Variants in DECR1 observed in about 807,000 individuals in gnomAD.
DECR1 encodes the protein 2,4-dienoyl-CoA reductase 1.
In DECR1, 44 loss-of-function variants were observed where a neutral mutation model predicts 38.8. The ratio of observed to expected loss-of-function variants is 1.13; its 90% confidence interval spans 0.89 to 1.46. The LOEUF (loss-of-function observed/expected upper bound fraction) is 1.46, where lower values mean the gene tolerates loss of function less well. Among genes scored for constraint, DECR1 ranks in the 40% most tolerant of loss-of-function variants. The pLI is 0.00. For missense variants in DECR1, 428 were observed against 405.5 expected, an observed-to-expected ratio of 1.06 and a Z score of -0.48; for synonymous variants, 148 against 135.2, an observed-to-expected ratio of 1.09 and a Z score of -0.66.
intron 6 of DECR1, among the ~76,000 whole-genome samples, chr8:90,037,534 T>C (rs1813644785): frequency 6.6e-6 from 1 of 151,386 alleles, no homozygotes; most frequent in African/African-American, 2.4e-5. Context: ...GCAGCCTTAA[T>C]CTCCCAGACT....
intron 3 of DECR1, 43 bp downstream of exon 3, chr8:90,019,009 A>G: frequency 6.4e-7 from 1 of 1,574,542 alleles, no homozygotes; most frequent in South Asian, 1.1e-5. Context: ...TAGGAATTAT[A>G]ACATGTTCAA....
intron 8 of DECR1, among the ~76,000 whole-genome samples, chr8:90,047,858 C>T (rs1022056864): frequency 2.0e-5 from 3 of 152,194 alleles, no homozygotes; most frequent in Admixed American, 6.5e-5. Context: ...TGCAATCAAA[C>T]GACAACTCAG....
chr8:90,027,664 CTT>C (rs1387490114), intron 5 of DECR1, among the ~76,000 whole-genome samples: 3 of 151,932 alleles, frequency 2.0e-5, no homozygotes, highest in Admixed American at 6.6e-5. Context: ...GGTCTTGACT[CTT>C]TATCCAATTT....
chr8:90,004,068 T>C (rs1812683442), intron 1 of DECR1, among the ~76,000 whole-genome samples: 1 of 152,212 alleles, frequency 6.6e-6, no homozygotes, highest in Non-Finnish European at 1.5e-5. Context: ...CTTTGATTAC[T>C]ATCATGCACA....
chr8:90,034,426 G>A (rs184957695), intron 5 of DECR1, among the ~76,000 whole-genome samples: 7 of 151,388 alleles, frequency 4.6e-5, no homozygotes, highest in Non-Finnish European at 1.5e-5. Flanking sequence ...GCCTTTATTT[G>A]TTTATTTATT....
intron 6 of DECR1, among the ~76,000 whole-genome samples, chr8:90,038,844 T>C (rs1813682171): frequency 6.6e-6 from 1 of 152,302 alleles, no homozygotes; most frequent in South Asian, 2.1e-4. Context: ...ATTCACAAGC[T>C]GAATCTTAGT....
intron 1 of DECR1, chr8:90,005,936 C>G (rs188122016): frequency 1.7e-4 from 76 of 441,872 alleles, no homozygotes; most frequent in African/African-American, 1.0e-3. Context: ...TGGGAGGTGC[C>G]GGCAAGAGAG....
intron 2 of DECR1, among the ~76,000 whole-genome samples, chr8:90,018,304 C>T (rs764662017): frequency 1.3e-5 from 2 of 152,162 alleles, no homozygotes; most frequent in Non-Finnish European, 2.9e-5. Flanking sequence ...TATTCTGGTA[C>T]CCTGTAAACT....
intron 8 of DECR1, among the ~76,000 whole-genome samples, chr8:90,050,610 G>A (rs1814052581): frequency 6.6e-6 from 1 of 152,214 alleles, no homozygotes; most frequent in African/African-American, 2.4e-5. Flanking sequence ...GTGGAAGACA[G>A]TGTGGTGATT....
intron 5 of DECR1, among the ~76,000 whole-genome samples, chr8:90,028,638 G>A (rs143348308): frequency 6.6e-6 from 1 of 151,926 alleles, no homozygotes; most frequent in African/African-American, 2.4e-5. Flanking sequence ...TCTTTTTAAA[G>A]ACATTACCTA....
intron 2 of DECR1, among the ~76,000 whole-genome samples, chr8:90,018,280 C>T (rs1813060808): frequency 6.6e-6 from 1 of 152,172 alleles, no homozygotes; most frequent in Non-Finnish European, 1.5e-5. Context: ...GAAGGAATTT[C>T]TTCTTATTAG....
At chr8:90,002,017 G>C (rs1453879429) in intron 1 of DECR1, among the ~76,000 whole-genome samples, 1 of 152,190 alleles carries the variant, frequency 6.6e-6, no homozygotes, top group Non-Finnish European at 1.5e-5. Context: ...AACGCCGGGA[G>C]TGAGCACCGG....
chr8:90,041,877 A>G (rs1278224842), intron 6 of DECR1, among the ~76,000 whole-genome samples: 2 of 151,870 alleles, frequency 1.3e-5, no homozygotes, highest in Non-Finnish European at 2.9e-5. Flanking sequence ...TCTTCCTTTC[A>G]AATTATCCTG....
At chr8:90,040,953 T>C (rs747164241) in intron 6 of DECR1, among the ~76,000 whole-genome samples, 2 of 152,222 alleles carry the variant, frequency 1.3e-5, no homozygotes, top group Non-Finnish European at 2.9e-5. Flanking sequence ...TGTGTCTTTA[T>C]AGTAGAATTA....
intron 5 of DECR1, among the ~76,000 whole-genome samples, chr8:90,030,221 C>G (rs1813463082): frequency 6.6e-6 from 1 of 152,138 alleles, no homozygotes; most frequent in African/African-American, 2.4e-5. Context: ...TGCTGGCTCA[C>G]CTACTGCTCA....
intron 1 of DECR1, among the ~76,000 whole-genome samples, chr8:90,015,082 T>G (rs1044543440): frequency 1.3e-5 from 2 of 152,170 alleles, no homozygotes; most frequent in African/African-American, 4.8e-5. Context: ...TGTCTTTCAG[T>G]AACTTTTTTT....
At chr8:90,042,932 C>G (rs1031961501) in intron 7 of DECR1, 132 bp downstream of exon 7, 1 of 717,632 alleles carries the variant, frequency 1.4e-6, no homozygotes, top group Non-Finnish European at 2.4e-6. Flanking sequence ...AGGGAAGAGG[C>G]CTTTGCCTTT....
intron 5 of DECR1, among the ~76,000 whole-genome samples, chr8:90,031,927 T>G (rs1813505256): frequency 6.6e-6 from 1 of 152,216 alleles, no homozygotes. Flanking sequence ...GATACTTTAT[T>G]TCTGTTTGTT....
chr8:90,013,284 A>G (rs1812929584), intron 1 of DECR1, among the ~76,000 whole-genome samples: 1 of 152,070 alleles, frequency 6.6e-6, no homozygotes, highest in South Asian at 2.1e-4. Flanking sequence ...TATATTTGAA[A>G]CTGGATCTTC....
Sources: allele counts gnomAD v4.1 joint callset (sites outside exome capture counted in the v4.1 genomes callset), GRCh38; gene constraint gnomAD v4.1.1; transcripts MANE v1.5; gene names NCBI Gene and HGNC (gene_info 2026-07-23, HGNC 2026-07-21).